ST7L: variants seen among roughly 807,000 people sequenced by gnomAD.
ST7L encodes suppression of tumorigenicity 7 like, also known as suppressor of tumorigenicity 7 protein-like.
ST7L carries 57 observed loss-of-function variants against 72.5 expected under a neutral mutation model. That is an observed-to-expected ratio of 0.79 (90% confidence interval 0.64 to 0.98). The LOEUF (loss-of-function observed/expected upper bound fraction) is 0.98. ST7L is among the 50% of genes least tolerant of loss of function. The pLI is 0.00. For synonymous variants in ST7L, 221 were observed against 240.9 expected (o/e 0.92, Z 0.77); for missense variants, 576 against 672.2 (o/e 0.86, Z 1.58).
At chr1:112,618,710 T>G in intron 1 of ST7L, 199 bp downstream of exon 1, 1 of 1,200,046 alleles carries the variant, frequency 8.3e-7, no homozygotes, top group Non-Finnish European at 1.1e-6. Flanking sequence ...TTAAGAGTTC[T>G]ACGGAGGAGC....
At chr1:112,559,927 G>A (rs1016802007) in intron 11 of ST7L, among the ~76,000 whole-genome samples, 6 of 151,856 alleles carry the variant, frequency 4.0e-5, no homozygotes, top group Non-Finnish European at 7.4e-5. Context: ...GCAGTGAGCC[G>A]AGATCGTGCC....
At chr1:112,532,644 G>T (rs1233740670) in intron 14 of ST7L, among the ~76,000 whole-genome samples, 1 of 152,132 alleles carries the variant, frequency 6.6e-6, no homozygotes, top group Non-Finnish European at 1.5e-5. Flanking sequence ...AGGTCAGAAG[G>T]TGATTATGTG....
At position 112,610,939 on chromosome 1, in the gene ST7L, T is replaced by C. The variant is rs1335526158; in HGVS notation, c.353A>G (p.His118Arg). ...TGTTCCTCCCATCAGTGGTTGCAAA[T>C]GGCTTACAGATACTTGCTCAATAAA... Reference protein sequence around the residue: ...TSFIEQVSVSHLQPLMGGTES... With the variant: ...TSFIEQVSVSRLQPLMGGTES... Residue 118 changes from histidine to arginine, a missense_variant, in exon 3 of 15, where the codon CAT (histidine) becomes CGT (arginine). Around this residue, in one of 3 missense-constraint regions of ST7L, gnomAD observed 511 missense variants for 600.7 expected, o/e 0.85. Coordinates refer to ENST00000358039, the MANE Select transcript of ST7L (RefSeq NM_017744.5). 6 of 1,614,112 alleles carry C rather than the reference T, an allele frequency of 3.7e-6. No individual in the cohort carries two copies. In the African/African-American group the frequency reaches 5.3e-5, roughly 14 times the overall value.
intron 6 of ST7L, among the ~76,000 whole-genome samples, chr1:112,587,457 G>A (rs565403239): frequency 6.6e-6 from 1 of 152,218 alleles, no homozygotes; most frequent in African/African-American, 2.4e-5. Context: ...TACAAAATTA[G>A]CCGGGTATGG....
intron 11 of ST7L, among the ~76,000 whole-genome samples, chr1:112,560,204 C>T (rs1038117865): frequency 1.3e-5 from 2 of 151,700 alleles, no homozygotes; most frequent in South Asian, 4.2e-4. Context: ...ACCATCTTGG[C>T]TAACACGGTG....
At position 112,551,000 on chromosome 1, in the gene ST7L, A is replaced by C. The variant is rs1658032649; in HGVS notation, c.1397-307T>G. Among the ~76,000 whole-genome samples the C allele has an allele frequency of 2.6e-5, 4 of 152,240 alleles. No homozygotes were observed. In the Middle Eastern group the frequency reaches 0.014, roughly 521 times the overall value. On this transcript the variant is annotated intron_variant, in intron 12 of 14. Transcript: ENST00000358039. ...TTGATAATTCCAAAGCAGAATTGAT[A>C]ATTCTGCCCCTTACAGAAATCTTCA...
chr1:112,553,837 T>C (rs909337549), intron 12 of ST7L, among the ~76,000 whole-genome samples: 4 of 152,226 alleles, frequency 2.6e-5, no homozygotes, highest in Admixed American at 1.3e-4. Flanking sequence ...CTGGAGCTAA[T>C]AGTTTAAGTG....
At chr1:112,584,241 G>GAAA in intron 6 of ST7L, 115 bp from the exon 7 acceptor site, 10 of 836,992 alleles carry the variant, frequency 1.2e-5, no homozygotes, top group South Asian at 5.8e-5. Context: ...TCCATCTTTA[G>GAAA]AAAAAAAAAA....
chr1:112,565,598 A>C (rs1320970659), intron 11 of ST7L, among the ~76,000 whole-genome samples: 1 of 152,208 alleles, frequency 6.6e-6, no homozygotes, highest in African/African-American at 2.4e-5. Context: ...CAAATTAGTT[A>C]ATTCCTAACT....
chr1:112,600,737 T>C, intron 4 of ST7L, 57 bp downstream of exon 4: 1 of 1,442,324 alleles, frequency 6.9e-7, no homozygotes, highest in Non-Finnish European at 9.6e-7. Context: ...AATGATTTTG[T>C]AAATACCTTT....
At chr1:112,538,140 G>A (rs116367960) in intron 14 of ST7L, among the ~76,000 whole-genome samples, 3,048 of 152,290 alleles carry the variant, frequency 0.02, 104 homozygotes, top group African/African-American at 0.069. Flanking sequence ...GTCTTCTGAA[G>A]TAGAACAAGT....
chr1:112,564,629 C>A (rs940406311), intron 11 of ST7L, among the ~76,000 whole-genome samples: 12 of 152,006 alleles, frequency 7.9e-5, no homozygotes, highest in Non-Finnish European at 1.3e-4. Flanking sequence ...CCAGCCTGGC[C>A]AACATGGTGA....
In ST7L at chr1:112,551,138, C is replaced by CTTTT. The variant is rs567601091; in HGVS notation, c.1397-449_1397-446dup. ...TCACCAAAGCTTTCTATGAGCAGAT[C>CTTTT]TTTTTTTTTTTTTTTTTTTTTTTTT... On this transcript the variant is annotated intron_variant, in intron 12 of 14. Coordinates refer to ENST00000358039, the MANE Select transcript of ST7L (RefSeq NM_017744.5). 5.1e-3 allele frequency among the ~76,000 whole-genome samples: 395 copies of CTTTT among 77,222 alleles called. 53 individuals are homozygous for CTTTT. The highest frequency in any genetic ancestry group is 0.023 in the African/African-American group (359 of 15,782). 50.7% of individuals were successfully genotyped at this position (77,222 alleles called of 152,430 possible).
chr1:112,536,931 T>A (rs926536087), intron 14 of ST7L, among the ~76,000 whole-genome samples: 29 of 152,302 alleles, frequency 1.9e-4, no homozygotes, highest in African/African-American at 6.5e-4. Context: ...GATTCCTACC[T>A]TTACCTGTAA....
At position 112,571,761 on chromosome 1, in the gene ST7L, A is replaced by C. The variant is rs1423265768; in HGVS notation, c.1245+5225T>G. ...TAATGAAGCATACTTTATATATCCC[A>C]AAATTCATGTTTGTAACTATAGACA... On this transcript the variant is annotated intron_variant, in intron 11 of 14. Coordinates refer to ENST00000358039, the MANE Select transcript of ST7L (RefSeq NM_017744.5). Among the ~76,000 whole-genome samples the C allele has an allele frequency of 2.0e-5, 3 of 152,322 alleles. No individual in the cohort carries two copies. In the East Asian group the frequency reaches 5.8e-4, roughly 29 times the overall value.
chr1:112,522,038 TA>T (rs1652909493), downstream of ST7L: 1 of 152,126 alleles, frequency 6.6e-6, no homozygotes, highest in African/African-American at 2.4e-5. Flanking sequence ...TCTTTCTTTT[TA>T]TTTCTTTTAG....
At chr1:112,543,010 G>A (rs1309545886) in intron 13 of ST7L, among the ~76,000 whole-genome samples, 3 of 152,018 alleles carry the variant, frequency 2.0e-5, no homozygotes, top group Non-Finnish European at 4.4e-5. Context: ...ATGTTGGCCA[G>A]GCTGGTCTCA....
chr1:112,576,911 A>G, intron 11 of ST7L, 75 bp downstream of exon 11: 1 of 1,124,900 alleles, frequency 8.9e-7, no homozygotes, highest in Non-Finnish European at 1.3e-6. Context: ...ATGGTGACCC[A>G]GACTCTGGTC....
Position 112,542,070 on chromosome 1 carries a change from A to G in ST7L, c.1510T>C (p.Tyr504His). 1.9e-6 allele frequency: 3 copies of G among 1,610,854 alleles called. No homozygotes were observed. The highest frequency in any genetic ancestry group is 2.2e-5 in the East Asian group (1 of 44,770). ...AACAAAGGAAGCTCCTTTTTTGGGT[A>G]AACAGAAACATGATGAAAGGCTGCA... ...LLPTFHHVSV[Y>H]PKKELPLFIH... The change falls in exon 14 of 15, where the codon TAC becomes CAC. Residue 504 changes from tyrosine (Y) to histidine (H), a missense_variant. Around this residue, in one of 3 missense-constraint regions of ST7L, gnomAD observed 511 missense variants for 600.7 expected, o/e 0.85. Transcript: ENST00000358039.
Sources: allele counts gnomAD v4.1 joint callset (sites outside exome capture counted in the v4.1 genomes callset), GRCh38; gene constraint gnomAD v4.1.1; regional missense constraint gnomAD v4.1.1; transcripts MANE v1.5; gene names NCBI Gene and HGNC (gene_info 2026-07-23, HGNC 2026-07-21).